Variants in LANCL3 observed in about 807,000 individuals in gnomAD.
LANCL3 encodes the protein lanC-like protein 3.
In LANCL3, 19 loss-of-function variants were observed where a neutral mutation model predicts 26.5. The observed-to-expected ratio is 0.72, with a 90% confidence interval of 0.50 to 1.05. LANCL3 has a LOEUF of 1.05. LANCL3 is among the 50% of genes least tolerant of loss of function. The pLI is 0.00. For missense variants in LANCL3, 318 were observed against 362.7 expected (o/e 0.88, Z 1.00); for synonymous variants, 160 against 166.6 (o/e 0.96, Z 0.30).
At chrX:37,655,606 A>C (rs1213156349) in intron 1 of LANCL3, 82 bp from the exon 2 acceptor site, 1 of 842,714 alleles carries the variant, frequency 1.2e-6, no homozygotes, top group Non-Finnish European at 1.6e-6. Context: ...ATATGATGCT[A>C]GACTTCTTAA....
chrX:37,641,607 C>T (rs1234373858), intron 1 of LANCL3, among the ~76,000 whole-genome samples: 1 of 111,414 alleles, frequency 9.0e-6, no homozygotes, highest in East Asian at 2.8e-4. Context: ...TTTAAAGTAT[C>T]TCTGCCTTCC....
At chrX:37,651,334 T>C (rs1255603885) in intron 1 of LANCL3, among the ~76,000 whole-genome samples, 3 of 112,168 alleles carry the variant, frequency 2.7e-5, no homozygotes, top group African/African-American at 9.7e-5. Context: ...AAAACCATTA[T>C]TTAAAAAATT....
intron 1 of LANCL3, among the ~76,000 whole-genome samples, chrX:37,641,593 C>A (rs1556425920): frequency 9.0e-6 from 1 of 111,318 alleles, no homozygotes; most frequent in Non-Finnish European, 1.9e-5. Context: ...AAGATCTAAG[C>A]AATTTTAAAG....
rs184762050 is a variant in LANCL3 at position 37,592,886 on chromosome X, C to A, written c.573+20443C>A. On this transcript the variant is annotated intron_variant, in intron 1 of 4. Transcript: ENST00000378619. Reference sequence around the variant, plus strand: ...CCCACCAGCATATTGGATGGGAAAACAATAAAGAAGAGTCTCTAAAAATTT... The same window carrying A: ...CCCACCAGCATATTGGATGGGAAAAAAATAAAGAAGAGTCTCTAAAAATTT... Among the ~76,000 whole-genome samples the A allele has an allele frequency of 6.1e-3, 680 of 111,092 alleles. 1 individual carries two copies. The highest frequency in any genetic ancestry group is 0.012 in the Admixed American group (125 of 10,480).
intron 4 of LANCL3, among the ~76,000 whole-genome samples, chrX:37,670,899 G>T (rs782110189): frequency 9.0e-6 from 1 of 111,033 alleles, no homozygotes; most frequent in South Asian, 3.8e-4. Context: ...TATGTTTTTT[G>T]TTAATTTTAT....
intron 4 of LANCL3, among the ~76,000 whole-genome samples, 173 bp from the exon 5 acceptor site, chrX:37,675,481 T>C (rs932264876): frequency 8.9e-6 from 1 of 112,345 alleles, no homozygotes; most frequent in Admixed American, 9.4e-5. Context: ...ACATACACAG[T>C]TATATAATGG....
chrX:37,661,379 A>G (rs1926419094), intron 3 of LANCL3, among the ~76,000 whole-genome samples: 1 of 112,024 alleles, frequency 8.9e-6, no homozygotes, highest in Admixed American at 9.5e-5. Flanking sequence ...TTTGGAGACT[A>G]TATCCTCCTT....
intron 1 of LANCL3, among the ~76,000 whole-genome samples, chrX:37,573,766 A>G (rs1277197413): frequency 4.5e-5 from 5 of 110,092 alleles, no homozygotes; most frequent in Non-Finnish European, 7.6e-5. Context: ...TTTTTTTCCA[A>G]TTGTTTTCCT....
chrX:37,609,237 G>A (rs916220274), intron 1 of LANCL3, among the ~76,000 whole-genome samples: 12 of 111,814 alleles, frequency 1.1e-4, no homozygotes, highest in African/African-American at 3.2e-4. Flanking sequence ...CTACTTAGAT[G>A]CCGTCTTTAT....
At chrX:37,588,412 A>T (rs1454991761) in intron 1 of LANCL3, among the ~76,000 whole-genome samples, 2 of 111,293 alleles carry the variant, frequency 1.8e-5, no homozygotes, top group Non-Finnish European at 3.8e-5. Context: ...TTTGTCTCAT[A>T]AAAAAACAAG....
intron 1 of LANCL3, among the ~76,000 whole-genome samples, chrX:37,576,964 G>T (rs1217002238): frequency 8.9e-6 from 1 of 112,641 alleles, no homozygotes; most frequent in African/African-American, 3.2e-5. Context: ...GAGAGCAGGG[G>T]ATAGAGGAGT....
chrX:37,634,392 C>A (rs1318759000), intron 1 of LANCL3, among the ~76,000 whole-genome samples: 2 of 113,206 alleles, frequency 1.8e-5, no homozygotes, highest in African/African-American at 6.4e-5. Flanking sequence ...CCTTGCGCTT[C>A]CTGAGTGAGG....
chrX:37,630,253 C>T (rs1316523064), intron 1 of LANCL3, among the ~76,000 whole-genome samples: 19 of 109,302 alleles, frequency 1.7e-4, no homozygotes, highest in African/African-American at 4.7e-4. Flanking sequence ...TCTCTGTTTG[C>T]CTGTTATTGG....
In LANCL3 at chrX:37,572,205, C is replaced by G. The variant is rs782551297; in HGVS notation, c.335C>G (p.Pro112Arg). ...ACARAEEWGE[P>R]DADTRAAFLL... is the part of the protein sequence containing the mutation. ...GCCCGCGCTGAGGAGTGGGGCGAAC[C>G]GGACGCCGACACCCGCGCCGCCTTC... is the stretch of plus-strand genomic sequence containing the variant. Residue 112 changes from proline to arginine, a missense_variant, in exon 1 of 5, where the codon CCG becomes CGG. Physicochemically the swap from Pro to Arg is moderately radical, Grantham distance 103. Coordinates refer to ENST00000378619, the MANE Select transcript of LANCL3 (RefSeq NM_001170331.2). 3 of 1,162,157 alleles carry G rather than the reference C, an allele frequency of 2.6e-6. No individual in the cohort carries two copies. Among genetic ancestry groups the G allele is most frequent in the Non-Finnish European group, 3.4e-6 (3 of 875,567 alleles).
At chrX:37,617,140 G>T (rs1556421785) in intron 1 of LANCL3, among the ~76,000 whole-genome samples, 2 of 110,516 alleles carry the variant, frequency 1.8e-5, no homozygotes, top group African/African-American at 6.6e-5. Context: ...GGGAGAGAGA[G>T]AGAGATTGAC....
chrX:37,630,928 T>C (rs1193846842), intron 1 of LANCL3, among the ~76,000 whole-genome samples: 3 of 111,505 alleles, frequency 2.7e-5, no homozygotes, highest in Non-Finnish European at 5.7e-5. Flanking sequence ...TGGTTGTGTC[T>C]CTGCCCGGCT....
At chrX:37,618,188 G>A (rs1009111940) in intron 1 of LANCL3, among the ~76,000 whole-genome samples, 2 of 112,274 alleles carry the variant, frequency 1.8e-5, no homozygotes, top group Non-Finnish European at 3.8e-5. Context: ...GAGCTTCACA[G>A]GTATGTATGG....
rs1178749561 is a variant in LANCL3, at chrX:37,680,889, TAAG to T, written c.*5077_*5079del. 1 of 111,427 alleles carries T rather than the reference TAAG, an allele frequency of 9.0e-6. No individual in the cohort carries two copies. Among genetic ancestry groups the T allele is most frequent in the Non-Finnish European group, 1.9e-5 (1 of 53,020 alleles). The allele number at this position is 111,427 out of a possible 1,213,427, so 9.2% of individuals were successfully genotyped here. A position where few individuals can be genotyped will look rare whatever the true frequency, so the allele number is the denominator to read the frequency against. On this transcript the variant is annotated 3_prime_UTR_variant, in exon 5 of 5. Coordinates refer to ENST00000378619, the MANE Select transcript of LANCL3 (RefSeq NM_001170331.2). Reference sequence around the variant, plus strand: ...TGAGTGAAAAAGAATGAGACTGACTTAAGGAGAGTCAATATCGCATATGAATCA... The same window carrying T: ...TGAGTGAAAAAGAATGAGACTGACTTGAGAGTCAATATCGCATATGAATCA...
rs1926857298 is a variant in LANCL3, at chrX:37,678,090, G to A, written c.*2277G>A. 8.9e-6 allele frequency: 1 copy of A among 112,109 alleles called. No homozygotes were observed. Among genetic ancestry groups the A allele is most frequent in the African/African-American group, 3.2e-5 (1 of 30,915 alleles). 9.2% of individuals were successfully genotyped at this position (112,109 alleles called of 1,213,427 possible). ...TGATGTGCTAACCATTTTGATTTGT[G>A]TGTCAAATCTAAGCAAAGACCATGT... On this transcript the variant is annotated 3_prime_UTR_variant, in exon 5 of 5. Transcript: ENST00000378619.
Sources: allele counts gnomAD v4.1 joint callset (sites outside exome capture counted in the v4.1 genomes callset), GRCh38; gene constraint gnomAD v4.1.1; transcripts MANE v1.5; gene names NCBI Gene and HGNC (gene_info 2026-07-23, HGNC 2026-07-21).